MAPK10: variants seen among roughly 807,000 people sequenced by gnomAD.
MAPK10 encodes the protein JNK3 alpha protein kinase.
Under a neutral mutation model 59.3 loss-of-function variants are expected in MAPK10, and 25 were observed. The observed-to-expected ratio is 0.42, with a 90% CI of 0.31 to 0.59. MAPK10 has a LOEUF of 0.59. Ranked by LOEUF, MAPK10 falls within the 20% of genes least tolerant of loss-of-function variation. MAPK10 has a pLI of 0.15. For missense variants in MAPK10, 351 were observed against 568.9 expected (o/e 0.62, Z 3.90); for synonymous variants, 190 against 200.5 (o/e 0.95, Z 0.44).
intron 2 of MAPK10, among the ~76,000 whole-genome samples, chr4:86,341,923 A>G (rs1218317047): frequency 6.6e-6 from 1 of 152,148 alleles, no homozygotes; most frequent in South Asian, 2.1e-4. Flanking sequence ...TATTAGTACC[A>G]TTTTACAGAT....
At chr4:86,142,442 A>G (rs2063843637) in intron 4 of MAPK10, among the ~76,000 whole-genome samples, 1 of 152,198 alleles carries the variant, frequency 6.6e-6, no homozygotes, top group Non-Finnish European at 1.5e-5. Flanking sequence ...TCATTCATTC[A>G]TTCAATGAAG....
At chr4:86,258,299 A>AT (rs34863847) in intron 2 of MAPK10, among the ~76,000 whole-genome samples, 2 of 151,620 alleles carry the variant, frequency 1.3e-5, no homozygotes, top group African/African-American at 4.8e-5. Context: ...TTCCTTACTC[A>AT]TTTTTTTCCA....
Position 86,292,924 on chromosome 4 carries a change from C to A in MAPK10, c.-7+61606G>T, listed in dbSNP as rs576336748. The stretch of plus-strand genomic sequence containing the variant: ...TCCGTGTCCAGGCCATCAGGCTACA[C>A]CCCTCCTCTTATGAGAAAGGTACAA... On this transcript the variant is annotated intron_variant, in intron 2 of 13. Coordinates refer to ENST00000641462, the MANE Select transcript of MAPK10 (RefSeq NM_138982.4). Among the ~76,000 whole-genome samples, 7 of 152,280 alleles carry A rather than the reference C, an allele frequency of 4.6e-5. No individual in the cohort carries two copies. The South Asian group carries it at 6.2e-4, about 14-fold the overall frequency.
intron 11 of MAPK10, among the ~76,000 whole-genome samples, chr4:86,042,224 C>T (rs2041688883): frequency 6.6e-6 from 1 of 152,142 alleles, no homozygotes; most frequent in Non-Finnish European, 1.5e-5. Context: ...AGCACAGGAA[C>T]AAAAAACCAA....
chr4:86,371,904 G>A (rs936239770), intron 1 of MAPK10, among the ~76,000 whole-genome samples: 3 of 152,108 alleles, frequency 2.0e-5, no homozygotes, highest in African/African-American at 7.2e-5. Flanking sequence ...GACCTACAAA[G>A]AGACTTAGAC....
In MAPK10 at chr4:86,017,497, T is replaced by A; in HGVS notation, c.1253-127A>T. On this transcript the variant is annotated intron_variant, in intron 13 of 13. Coordinates refer to ENST00000641462, the MANE Select transcript of MAPK10 (RefSeq NM_138982.4). The surrounding 1 kb of genome is among the most constrained non-coding windows in gnomAD (Gnocchi z 4.4). ...AGTCCATCAATCATTTGGCAAGCCT[T>A]TATAGAGCAGCTGACATAGGGGAGC... 1.0e-6 allele frequency: 1 copy of A among 995,594 alleles called. No homozygotes were observed. Among genetic ancestry groups the A allele is most frequent in the Admixed American group, 2.1e-5 (1 of 46,880 alleles). 61.7% of individuals were successfully genotyped at this position (995,594 alleles called of 1,614,324 possible).
chr4:86,498,791 T>A (rs1478439136), intron 1 of MAPK10, among the ~76,000 whole-genome samples: 1 of 152,206 alleles, frequency 6.6e-6, no homozygotes, highest in Non-Finnish European at 1.5e-5. Context: ...AAACATCATT[T>A]ATAGCTAACC....
At chr4:86,311,586 ATATC>A (rs2095670151) in intron 2 of MAPK10, among the ~76,000 whole-genome samples, 1 of 152,248 alleles carries the variant, frequency 6.6e-6, no homozygotes, top group Non-Finnish European at 1.5e-5. Flanking sequence ...AATAGTCTAC[ATATC>A]TAGTAGTTTC....
intron 1 of MAPK10, among the ~76,000 whole-genome samples, chr4:86,473,947 C>T (rs1363327357): frequency 5.3e-5 from 8 of 151,952 alleles, no homozygotes; most frequent in Admixed American, 5.2e-4. Flanking sequence ...GCCAGGAGTT[C>T]AAGACCAGCC....
intron 4 of MAPK10, among the ~76,000 whole-genome samples, chr4:86,108,896 C>T (rs148395494): frequency 1.4e-4 from 22 of 152,226 alleles, no homozygotes; most frequent in African/African-American, 5.3e-4. Flanking sequence ...AGCATTTTTC[C>T]CCTAAGTCTT....
chr4:86,385,136 T>C (rs1001281426), intron 1 of MAPK10, among the ~76,000 whole-genome samples: 1 of 152,086 alleles, frequency 6.6e-6, no homozygotes, highest in African/African-American at 2.4e-5. Flanking sequence ...CTTTACTACA[T>C]ATCTTTCTCA....
At chr4:86,029,389 A>C in intron 12 of MAPK10, 115 bp from the exon 13 acceptor site, 1 of 656,982 alleles carries the variant, frequency 1.5e-6, no homozygotes, top group Non-Finnish European at 2.7e-6. Flanking sequence ...ATTAAAAATC[A>C]ATTGAGATTC....
At chr4:86,134,253 TTAAG>T (rs1169638550) in intron 4 of MAPK10, among the ~76,000 whole-genome samples, 3 of 152,238 alleles carry the variant, frequency 2.0e-5, no homozygotes, top group Non-Finnish European at 4.4e-5. Flanking sequence ...TCTCTACAAA[TTAAG>T]TATCTGTAGC....
intron 1 of MAPK10, among the ~76,000 whole-genome samples, chr4:86,447,718 T>G (rs1428284954): frequency 6.6e-6 from 1 of 152,186 alleles, no homozygotes; most frequent in Non-Finnish European, 1.5e-5. Flanking sequence ...ATATATTTTG[T>G]TTTTCTACAA....
chr4:86,228,179 T>G (rs138748084), intron 2 of MAPK10, among the ~76,000 whole-genome samples: 69 of 152,292 alleles, frequency 4.5e-4, no homozygotes, highest in African/African-American at 1.5e-3. Flanking sequence ...TGGGGTGATT[T>G]AGGGCAGGAG....
Position 86,190,816 on chromosome 4 carries a change from A to G in MAPK10, c.66+3520T>C, listed in dbSNP as rs180886066. Reference sequence around the variant, plus strand: ...TGAAATTGTTTACTCTTGCTTCTCTAGTTCTTTTAATTATTATGTTAGGAT... The same window carrying G: ...TGAAATTGTTTACTCTTGCTTCTCTGGTTCTTTTAATTATTATGTTAGGAT... On this transcript the variant is annotated intron_variant, in intron 3 of 13. Transcript: ENST00000641462. Among the ~76,000 whole-genome samples the G allele has an allele frequency of 2.3e-3, 356 of 152,092 alleles. 1 individual carries two copies. Among genetic ancestry groups the G allele is most frequent in the African/African-American group, 8.4e-3 (347 of 41,504 alleles).
At chr4:86,320,132 T>C (rs948095215) in intron 2 of MAPK10, among the ~76,000 whole-genome samples, 7 of 152,194 alleles carry the variant, frequency 4.6e-5, no homozygotes, top group African/African-American at 1.4e-4. Context: ...TGTATGACCT[T>C]AGACAAGTCA....
chr4:86,210,612 T>C (rs1022410230), intron 2 of MAPK10, among the ~76,000 whole-genome samples: 2 of 151,854 alleles, frequency 1.3e-5, no homozygotes, highest in Non-Finnish European at 2.9e-5. Context: ...AAATATCTCA[T>C]GTACACCTAT....
upstream of MAPK10, among the ~76,000 whole-genome samples, chr4:86,456,467 T>C (rs534101615): frequency 2.0e-5 from 3 of 151,714 alleles, no homozygotes; most frequent in African/African-American, 7.3e-5. Context: ...AGAAATGAAA[T>C]GGGAGATGCT....
Sources: gnomAD v4.1 joint callset for allele counts (sites outside exome capture counted in the v4.1 genomes callset) on GRCh38, gnomAD v4.1.1 for gene constraint, Gnocchi (gnomAD v3.1) non-coding constraint, MANE v1.5 for transcripts, NCBI Gene and HGNC (gene_info 2026-07-23, HGNC 2026-07-21) for gene names.